Variants in OSBPL6 observed in about 807,000 individuals in gnomAD.
The protein encoded by OSBPL6 is oxysterol binding protein like 6, also known as oxysterol-binding protein-related protein 6.
OSBPL6 carries 49 observed loss-of-function variants against 125.8 expected under a neutral mutation model. The observed-to-expected ratio is 0.39, with a 90% confidence interval of 0.31 to 0.49. The LOEUF (loss-of-function observed/expected upper bound fraction) is 0.49, where lower values mean the gene tolerates loss of function less well. Among genes scored for constraint, OSBPL6 ranks in the 20% least tolerant of loss-of-function variants. The pLI is 0.88. For missense variants in OSBPL6, 986 were observed against 1,135.4 expected, an observed-to-expected ratio of 0.87 and a Z score of 1.89; for synonymous variants, 394 against 391.8, an observed-to-expected ratio of 1.01 and a Z score of -0.07.
In OSBPL6 at chr2:178,402,202, A is replaced by G. The variant is rs1381537420; in HGVS notation, c.*6643A>G. 1 of 152,194 alleles carries G rather than the reference A, an allele frequency of 6.6e-6. No homozygotes were observed. Among genetic ancestry groups the G allele is most frequent in the Non-Finnish European group, 1.5e-5 (1 of 68,028 alleles). 9.4% of individuals were successfully genotyped at this position (152,194 alleles called of 1,614,324 possible). ...TGTCATTTTCTTGACTTCTGTCCCA[A>G]CGCCAGCCCTGTAATATGGAGATAA... On this transcript the variant is annotated 3_prime_UTR_variant, in exon 25 of 25. Transcript: ENST00000190611.
intron 1 of OSBPL6, among the ~76,000 whole-genome samples, chr2:178,247,017 C>G (rs114413639): frequency 0.28 from 16,504 of 59,296 alleles, 1,140 homozygotes; most frequent in African/African-American, 0.39. Flanking sequence ...CCCCTCCCCA[C>G]CCCCCCATGT....
Position 178,336,342 on chromosome 2 carries a change from C to A in OSBPL6, c.699C>A (p.Cys233Ter). 1.2e-6 allele frequency: 2 copies of A among 1,614,082 alleles called. No individual in the cohort carries two copies. Among genetic ancestry groups the A allele is most frequent in the Non-Finnish European group, 1.7e-6 (2 of 1,179,986 alleles). ...TTCCGTGGCAGTCCCCTTTACCATG[C>A]AGCAATAGCCTCCCTGCAACGTGCA... Reference protein sequence around the residue: ...NSFPWQSPLPCSNSLPATCTT... With the variant: ...NSFPWQSPLP Residue 233 changes from cysteine to a stop codon, truncating the protein, a stop_gained, in exon 9 of 25, where the codon TGC becomes TGA. Coordinates refer to ENST00000190611, the MANE Select transcript of OSBPL6 (RefSeq NM_032523.4). LOFTEE classifies it high-confidence loss of function.
intron 6 of OSBPL6, among the ~76,000 whole-genome samples, chr2:178,331,858 T>G (rs939660280): frequency 2.0e-5 from 3 of 152,200 alleles, no homozygotes; most frequent in Non-Finnish European, 4.4e-5. Context: ...TAAAATCACC[T>G]TCTGTCACTT....
In OSBPL6 at chr2:178,273,238, T is replaced by A. The variant is rs369651191; in HGVS notation, c.-350-11689T>A. ...AGGTAAGATCATGAAGGATCTCTAATAGTAGGCTAAGGAATTTCGGCTTTA... is the reference window on the plus strand; with the variant it reads ...AGGTAAGATCATGAAGGATCTCTAAAAGTAGGCTAAGGAATTTCGGCTTTA... On this transcript the variant is annotated intron_variant, in intron 1 of 24. Coordinates refer to ENST00000190611, the MANE Select transcript of OSBPL6 (RefSeq NM_032523.4). Among the ~76,000 whole-genome samples, 30 of 152,304 alleles carry A rather than the reference T, an allele frequency of 2.0e-4. No homozygotes were observed. In the South Asian group the frequency reaches 6.2e-3, roughly 32 times the overall value.
intron 5 of OSBPL6, among the ~76,000 whole-genome samples, chr2:178,328,908 TG>T (rs1280660654): frequency 6.6e-6 from 1 of 152,202 alleles, no homozygotes; most frequent in Non-Finnish European, 1.5e-5. Context: ...TTAATCCAGT[TG>T]GTATGTATTG....
intron 1 of OSBPL6, among the ~76,000 whole-genome samples, chr2:178,241,608 G>C (rs899506301): frequency 2.0e-5 from 3 of 151,860 alleles, no homozygotes; most frequent in African/African-American, 7.3e-5. Flanking sequence ...TAGAGACGGG[G>C]TTTCTCCATG....
chr2:178,273,266 C>T (rs918588787), intron 1 of OSBPL6, among the ~76,000 whole-genome samples: 11 of 152,110 alleles, frequency 7.2e-5, no homozygotes, highest in African/African-American at 2.7e-4. Flanking sequence ...CGGCTTTATT[C>T]TGTCTTTCTC....
At chr2:178,317,477 TATAG>T (rs1687855799) in intron 3 of OSBPL6, among the ~76,000 whole-genome samples, 2 of 106,346 alleles carry the variant, frequency 1.9e-5, no homozygotes, top group South Asian at 3.1e-4. Context: ...TATATATATA[TATAG>T]AATAATTATT....
chr2:178,282,411 C>G (rs192472735), intron 1 of OSBPL6, among the ~76,000 whole-genome samples: 2 of 152,252 alleles, frequency 1.3e-5, no homozygotes, highest in South Asian at 2.1e-4. Context: ...AATCTTACCC[C>G]CTTGGTCCTC....
In OSBPL6 at chr2:178,396,242, T is replaced by C. The variant is rs1004721641; in HGVS notation, c.*683T>C. 2 of 158,438 alleles carry C rather than the reference T, an allele frequency of 1.3e-5. No individual in the cohort carries two copies. The highest frequency in any genetic ancestry group is 1.4e-5 in the Non-Finnish European group (1 of 71,270). The allele number at this position is 158,438 out of a possible 1,614,324, so 9.8% of individuals were successfully genotyped here. A position where few individuals can be genotyped will look rare whatever the true frequency, so the allele number is the denominator to read the frequency against. On this transcript the variant is annotated 3_prime_UTR_variant, in exon 25 of 25. Transcript: ENST00000190611. ...AGGACAATTATGAGACTAACTTAAATGGGTTTTTTAAAAGTGAACAACACG... is the reference window on the plus strand; with the variant it reads ...AGGACAATTATGAGACTAACTTAAACGGGTTTTTTAAAAGTGAACAACACG...
At chr2:178,394,215 A>G in intron 23 of OSBPL6, 98 bp from the exon 24 acceptor site, 1 of 1,464,780 alleles carries the variant, frequency 6.8e-7, no homozygotes. Context: ...GCGGTATTTT[A>G]TGTTCATAGC....
chr2:178,312,551 G>A (rs1027531808), intron 3 of OSBPL6, among the ~76,000 whole-genome samples: 1 of 151,912 alleles, frequency 6.6e-6, no homozygotes, highest in African/African-American at 2.4e-5. Context: ...CGCCTCCCAG[G>A]TTCAAGTAAT....
At chr2:178,323,519 A>G (rs1376460436) in intron 3 of OSBPL6, 1 of 152,044 alleles carries the variant, frequency 6.6e-6, no homozygotes, top group Non-Finnish European at 1.5e-5. Context: ...GCTAGAGTGC[A>G]TTGTGCAATC....
chr2:178,271,767 T>C (rs2092379623), intron 1 of OSBPL6, among the ~76,000 whole-genome samples: 1 of 152,202 alleles, frequency 6.6e-6, no homozygotes, highest in Non-Finnish European at 1.5e-5. Context: ...ACTTAGAATC[T>C]CCTGCTCCCT....
intron 1 of OSBPL6, among the ~76,000 whole-genome samples, chr2:178,208,910 T>G (rs1018351197): frequency 7.5e-6 from 1 of 133,622 alleles, no homozygotes; most frequent in African/African-American, 2.7e-5. Flanking sequence ...CTATTCTCAT[T>G]CTTGATTTAT....
intron 15 of OSBPL6, among the ~76,000 whole-genome samples, chr2:178,379,639 T>G (rs960710761): frequency 6.6e-6 from 1 of 152,192 alleles, no homozygotes; most frequent in African/African-American, 2.4e-5. Flanking sequence ...CAAACATAAT[T>G]GTGTATGATT....
Position 178,284,861 on chromosome 2 carries a change from T to C in OSBPL6, c.-350-66T>C, listed in dbSNP as rs1684553358. 7.6e-6 allele frequency: 3 copies of C among 393,620 alleles called. No homozygotes were observed. The Admixed American group carries it at 1.3e-4, about 17-fold the overall frequency. 24.4% of individuals were successfully genotyped at this position (393,620 alleles called of 1,614,324 possible). ...GAATTTTCTGATTGGCCATAGGCAG[T>C]CCCCGTGAGAGGCTCACGAAAGTTT... On this transcript the variant is annotated intron_variant, in intron 1 of 24. Coordinates refer to ENST00000190611, the MANE Select transcript of OSBPL6 (RefSeq NM_032523.4).
intron 1 of OSBPL6, among the ~76,000 whole-genome samples, chr2:178,259,056 A>G (rs1433537599): frequency 6.6e-6 from 1 of 152,102 alleles, no homozygotes; most frequent in Non-Finnish European, 1.5e-5. Context: ...CTGATCAGGG[A>G]TCCATCATTC....
chr2:178,310,014 G>A (rs1427353166), intron 3 of OSBPL6, among the ~76,000 whole-genome samples: 1 of 152,206 alleles, frequency 6.6e-6, no homozygotes, highest in Non-Finnish European at 1.5e-5. Context: ...CCCGAAGTAA[G>A]AACTTTTTAT....
Sources: allele counts gnomAD v4.1 joint callset (sites outside exome capture counted in the v4.1 genomes callset), GRCh38; gene constraint gnomAD v4.1.1; transcripts MANE v1.5; gene names NCBI Gene and HGNC (gene_info 2026-07-23, HGNC 2026-07-21).